Variants in TRPV1 observed in about 807,000 individuals in gnomAD.
The protein encoded by TRPV1 is transient receptor potential cation channel subfamily V member 1, also known as OTRPC1.
Under a neutral mutation model 82.3 loss-of-function variants are expected in TRPV1, and 82 were observed. That is an observed-to-expected ratio of 1.00 (90% CI 0.83 to 1.20). TRPV1 has a LOEUF of 1.20. Ranked by LOEUF, TRPV1 falls within the 50% of genes most tolerant of loss-of-function variation. The probability of loss-of-function intolerance (pLI) is 0.00; values close to 1 mark genes in which losing one functional copy is unlikely to be tolerated. For synonymous variants in TRPV1, 515 were observed against 467.7 expected, an observed-to-expected ratio of 1.10 and a Z score of -1.30; for missense variants, 1,067 against 1,096.8, an observed-to-expected ratio of 0.97 and a Z score of 0.38.
chr17:3,606,151 G>A (rs1415199172), intron 2 of TRPV1, among the ~76,000 whole-genome samples: 3 of 152,090 alleles, frequency 2.0e-5, no homozygotes, highest in Non-Finnish European at 2.9e-5. Flanking sequence ...AGTAGAGACG[G>A]GGTTTCACCA....
intron 9 of TRPV1, 164 bp downstream of exon 9, chr17:3,585,604 G>T (rs1465004486): frequency 3.7e-6 from 3 of 812,702 alleles, no homozygotes; most frequent in African/African-American, 1.7e-5. Flanking sequence ...GGAGATGGGC[G>T]CAGGGATACG....
chr17:3,577,801 C>T lies in TRPV1; in HGVS notation c.1548-38G>A, dbSNP rs372093796. 4 of 1,560,276 alleles carry T rather than the reference C, an allele frequency of 2.6e-6. No homozygotes were observed. The African/African-American group carries it at 5.4e-5, about 21-fold the overall frequency. On this transcript the variant is annotated intron_variant, in intron 11 of 16. Coordinates refer to ENST00000572705, the MANE Select transcript of TRPV1 (RefSeq NM_080704.4). The stretch of plus-strand genomic sequence containing the variant: ...GGGCAGAAAGCTCCGTCTACGGGAA[C>T]CCAGGAGGCCTGGCACCCCCAGAAC...
intron 3 of TRPV1, 23 bp from the exon 4 acceptor site, chr17:3,591,376 G>C: frequency 6.5e-7 from 1 of 1,548,884 alleles, no homozygotes; most frequent in Non-Finnish European, 8.7e-7. Context: ...AAACACGCTC[G>C]TCTCATACCC....
At position 3,571,158 on chromosome 17, in the gene TRPV1, G is replaced by A. The variant is rs1000565973; in HGVS notation, c.2347+366C>T. ...CACAGCCTCTCAGAGCTAGGACGTC[G>A]CATGCACACGTGCAGAGTGAGGAAC... On this transcript the variant is annotated intron_variant, in intron 16 of 16. Transcript: ENST00000572705. 2.6e-4 allele frequency among the ~76,000 whole-genome samples: 39 copies of A among 152,214 alleles called. 2 individuals carry two copies. Among genetic ancestry groups the A allele is most frequent in the Admixed American group, 1.7e-3 (26 of 15,280 alleles).
intron 2 of TRPV1, chr17:3,596,988 G>A (rs1217607841): frequency 6.6e-6 from 1 of 152,354 alleles, no homozygotes; most frequent in African/African-American, 2.4e-5. Context: ...CTCGAAGGGA[G>A]AGCTGGGCTC....
intron 9 of TRPV1, 50 bp downstream of exon 9, chr17:3,585,718 T>C (rs777581617): frequency 3.2e-6 from 5 of 1,582,176 alleles, no homozygotes; most frequent in Non-Finnish European, 3.4e-6. Context: ...TCCACACCCC[T>C]TCCCCACCAC....
chr17:3,596,111 T>C (rs982032883), intron 2 of TRPV1, among the ~76,000 whole-genome samples: 2 of 152,216 alleles, frequency 1.3e-5, no homozygotes, highest in Non-Finnish European at 2.9e-5. Context: ...AACTCATCAA[T>C]CTGGACTAAA....
chr17:3,580,357 G>T, intron 11 of TRPV1, 100 bp downstream of exon 11: 1 of 1,190,686 alleles, frequency 8.4e-7, no homozygotes, highest in Admixed American at 1.7e-5. Flanking sequence ...GTTCACTGAG[G>T]TCCCACTATG....
chr17:3,603,342 T>C (rs938127614), intron 2 of TRPV1, among the ~76,000 whole-genome samples: 5 of 151,962 alleles, frequency 3.3e-5, no homozygotes, highest in Non-Finnish European at 7.4e-5. Context: ...GGAGCCCCGC[T>C]CTGCAGAGCT....
Position 3,588,501 on chromosome 17 carries a change from T to G in TRPV1, c.1045-134A>C, listed in dbSNP as rs560540039. Reference sequence around the variant, plus strand: ...CCCCAGGCGAGTCCCCACCCACTCCTGACCACCACTGAGATCAACCAGCCG... The same window carrying G: ...CCCCAGGCGAGTCCCCACCCACTCCGGACCACCACTGAGATCAACCAGCCG... On this transcript the variant is annotated intron_variant, in intron 7 of 16. Transcript: ENST00000572705. 117 of 964,994 alleles carry G rather than the reference T, an allele frequency of 1.2e-4. No homozygotes were observed. In the African/African-American group the frequency reaches 1.5e-3, roughly 12 times the overall value. 59.8% of individuals were successfully genotyped at this position (964,994 alleles called of 1,614,324 possible). A position where few individuals can be genotyped will look rare whatever the true frequency, so the allele number is the denominator to read the frequency against.
At chr17:3,607,309 A>G (rs189030046) in intron 2 of TRPV1, among the ~76,000 whole-genome samples, 1 of 151,488 alleles carries the variant, frequency 6.6e-6, no homozygotes, top group East Asian at 2.0e-4. Flanking sequence ...GCACCACTGC[A>G]CTCCAGCCTG....
chr17:3,582,610 TAAA>T (rs58690941), intron 10 of TRPV1, among the ~76,000 whole-genome samples: 105 of 147,536 alleles, frequency 7.1e-4, no homozygotes, highest in Middle Eastern at 3.4e-3. Flanking sequence ...ACTCCTGCAT[TAAA>T]AAAAAAAAAA....
At chr17:3,568,501 A>T (rs2074805774) in intron 16 of TRPV1, among the ~76,000 whole-genome samples, 1 of 152,184 alleles carries the variant, frequency 6.6e-6, no homozygotes, top group Non-Finnish European at 1.5e-5. Context: ...ACACGATCGC[A>T]GGAGGCCTGT....
chr17:3,583,768 C>T (rs183873109), intron 9 of TRPV1, among the ~76,000 whole-genome samples: 6 of 152,326 alleles, frequency 3.9e-5, no homozygotes, highest in Non-Finnish European at 8.8e-5. Context: ...ATGGACCCCA[C>T]GCCATACACA....
chr17:3,593,747 A>G (rs1013072823), intron 2 of TRPV1, among the ~76,000 whole-genome samples: 3 of 152,056 alleles, frequency 2.0e-5, no homozygotes, highest in African/African-American at 4.8e-5. Context: ...TGGTCCAGCA[A>G]TTGCTATCTG....
In TRPV1 at chr17:3,567,775, C is replaced by CA. The variant is rs1295174983; in HGVS notation, c.2348-789dup. On this transcript the variant is annotated intron_variant, in intron 16 of 16. Transcript: ENST00000572705. ...TGGGCGACAGAACAAGATTCTGTCTCAAAAAAAAAAAAAAGAAAAAAATTA... is the reference window on the plus strand; with the variant it reads ...TGGGCGACAGAACAAGATTCTGTCTCAAAAAAAAAAAAAAAGAAAAAAATTA... Among the ~76,000 whole-genome samples the CA allele has an allele frequency of 7.9e-3, 824 of 104,490 alleles. 5 individuals are homozygous for CA. Among genetic ancestry groups the CA allele is most frequent in the African/African-American group, 0.016 (461 of 28,034 alleles). The allele number at this position is 104,490 out of a possible 152,430, so 68.5% of individuals were successfully genotyped here.
chr17:3,584,809 TTAAG>T (rs1358289183), intron 9 of TRPV1, among the ~76,000 whole-genome samples: 5 of 151,916 alleles, frequency 3.3e-5, no homozygotes, highest in African/African-American at 4.8e-5. Flanking sequence ...AAAACAAAAA[TTAAG>T]TAAGTAAGTA....
At chr17:3,600,116 C>A (rs2075250289) in intron 2 of TRPV1, among the ~76,000 whole-genome samples, 1 of 152,148 alleles carries the variant, frequency 6.6e-6, no homozygotes, top group Admixed American at 6.6e-5. Flanking sequence ...CATATAGACC[C>A]AGAAGTGGGA....
chr17:3,590,092 C>CA lies in TRPV1; in HGVS notation c.758dup (p.Ser254ValfsTer59). 1 of 1,606,810 alleles carries CA rather than the reference C, an allele frequency of 6.2e-7. No individual in the cohort carries two copies. The highest frequency in any genetic ancestry group is 1.1e-5 in the South Asian group (1 of 90,178). ...GCTGGTTGGTGCACGCGGCCAGGGA[C>CA]AGGGGCAGTTCACCTGCATGAACAC... On this transcript the variant is annotated frameshift_variant, in exon 7 of 17. Coordinates refer to ENST00000572705, the MANE Select transcript of TRPV1 (RefSeq NM_080704.4). LOFTEE classifies it high-confidence loss of function.
Sources: allele counts gnomAD v4.1 joint callset (sites outside exome capture counted in the v4.1 genomes callset), GRCh38; gene constraint gnomAD v4.1.1; transcripts MANE v1.5; gene names NCBI Gene and HGNC (gene_info 2026-07-23, HGNC 2026-07-21).